The following RANBP2 variants were observed in gnomAD, a reference collection of about 807,000 sequenced individuals.
RANBP2 encodes the protein E3 SUMO-protein ligase RanBP2.
In RANBP2, 57 loss-of-function variants were observed where a neutral mutation model predicts 303.6. That is an observed-to-expected ratio of 0.19 (90% CI 0.15 to 0.23). RANBP2 has a LOEUF of 0.23. Among genes scored for constraint, RANBP2 ranks in the 10% least tolerant of loss-of-function variants. The probability of loss-of-function intolerance (pLI) is 1.00; values close to 1 mark genes in which losing one functional copy is unlikely to be tolerated. For synonymous variants in RANBP2, 1,167 were observed against 1,301.5 expected (o/e 0.90, Z 2.23); for missense variants, 3,138 against 3,780.8 (o/e 0.83, Z 4.46).
chr2:109,492,035 A>T, the RANBP2 span, among the ~76,000 whole-genome samples: 1 of 152,030 alleles, frequency 6.6e-6, no homozygotes, highest in Admixed American at 6.5e-5. Flanking sequence ...CAAGGGCCAG[A>T]TGGTAAACAC....
the RANBP2 span, among the ~76,000 whole-genome samples, chr2:109,648,590 G>T: frequency 6.6e-6 from 1 of 151,174 alleles, no homozygotes; most frequent in South Asian, 2.1e-4. Flanking sequence ...TGATCCACCC[G>T]CCTTGGCCTC....
At chr2:108,881,875 G>A in the RANBP2 span, among the ~76,000 whole-genome samples, 1 of 152,148 alleles carries the variant, frequency 6.6e-6, no homozygotes, top group African/African-American at 2.4e-5. Flanking sequence ...CAGGCACGAT[G>A]GCTCACTCTT....
chr2:109,269,395 C>A, the RANBP2 span, among the ~76,000 whole-genome samples: 2 of 152,234 alleles, frequency 1.3e-5, no homozygotes, highest in African/African-American at 4.8e-5. Flanking sequence ...ACTGGTGCTT[C>A]TCCATGGCTC....
the RANBP2 span, among the ~76,000 whole-genome samples, chr2:109,744,857 T>G: frequency 0.053 from 1,044 of 19,560 alleles, 88 homozygotes; most frequent in African/African-American, 0.1. Flanking sequence ...TTGGAAGACT[T>G]TGGCTGTTTC....
chr2:108,807,909 C>T, the RANBP2 span, among the ~76,000 whole-genome samples: 4 of 152,242 alleles, frequency 2.6e-5, no homozygotes, highest in South Asian at 8.3e-4. Flanking sequence ...GTACCCAGCC[C>T]CTCCTATCCA....
the RANBP2 span, among the ~76,000 whole-genome samples, chr2:109,412,394 C>A: frequency 6.6e-6 from 1 of 152,370 alleles, no homozygotes; most frequent in Non-Finnish European, 1.5e-5. Flanking sequence ...CTGTGCTTTG[C>A]TTGTGCTATG....
the RANBP2 span, among the ~76,000 whole-genome samples, chr2:108,837,546 A>G: frequency 6.6e-6 from 1 of 152,190 alleles, no homozygotes; most frequent in Non-Finnish European, 1.5e-5. Context: ...GGAGCTGAAA[A>G]TTTCCTGTCA....
the RANBP2 span, among the ~76,000 whole-genome samples, chr2:109,534,945 G>A: frequency 6.6e-5 from 10 of 152,154 alleles, no homozygotes; most frequent in African/African-American, 1.7e-4. Context: ...CACTGCTTGT[G>A]AGTGCAGGAC....
chr2:109,737,742 T>C, the RANBP2 span, among the ~76,000 whole-genome samples: 2 of 152,106 alleles, frequency 1.3e-5, no homozygotes, highest in African/African-American at 4.8e-5. Flanking sequence ...GTATTTGTTA[T>C]TTTTTTGTGT....
At chr2:109,145,772 C>T in the RANBP2 span, among the ~76,000 whole-genome samples, 1 of 152,172 alleles carries the variant, frequency 6.6e-6, no homozygotes, top group Non-Finnish European at 1.5e-5. Context: ...AACCCAGGAG[C>T]AGTATTGGTT....
chr2:109,057,763 C>T, the RANBP2 span, among the ~76,000 whole-genome samples: 10 of 152,164 alleles, frequency 6.6e-5, no homozygotes, highest in Non-Finnish European at 8.8e-5. Flanking sequence ...CCTCTTCCTT[C>T]GCCCCGCCCC....
the RANBP2 span, among the ~76,000 whole-genome samples, chr2:109,636,243 G>A: frequency 9.2e-5 from 14 of 152,122 alleles, no homozygotes; most frequent in Admixed American, 3.3e-4. Context: ...AATAGACTAG[G>A]ACATTAATAA....
At chr2:109,428,096 GT>G in the RANBP2 span, among the ~76,000 whole-genome samples, 1 of 152,228 alleles carries the variant, frequency 6.6e-6, no homozygotes, top group African/African-American at 2.4e-5. Context: ...TGCAGAGTGG[GT>G]GCTGCACCTA....
At chr2:109,662,599 T>G in the RANBP2 span, among the ~76,000 whole-genome samples, 1 of 152,180 alleles carries the variant, frequency 6.6e-6, no homozygotes, top group African/African-American at 2.4e-5. Flanking sequence ...CTTGTATTTT[T>G]AGGGTTTCAT....
the RANBP2 span, among the ~76,000 whole-genome samples, chr2:109,464,480 A>G: frequency 2.6e-5 from 4 of 152,230 alleles, no homozygotes; most frequent in Admixed American, 6.5e-5. Flanking sequence ...AAACATCTGT[A>G]CACATATACA....
intron 9 of RANBP2, among the ~76,000 whole-genome samples, chr2:108,750,116 A>G (rs1272219818): frequency 1.3e-5 from 2 of 152,268 alleles, no homozygotes; most frequent in Non-Finnish European, 2.9e-5. Context: ...GCTGCACGAC[A>G]GCCTGGGCGA....
At chr2:108,721,849 C>G (rs1157548265) in intron 1 of RANBP2, among the ~76,000 whole-genome samples, 1 of 152,106 alleles carries the variant, frequency 6.6e-6, no homozygotes, top group Non-Finnish European at 1.5e-5. Context: ...TCAATCCATC[C>G]TCCCACCTTA....
At chr2:108,984,964 G>A in the RANBP2 span, among the ~76,000 whole-genome samples, 1 of 152,320 alleles carries the variant, frequency 6.6e-6, no homozygotes, top group East Asian at 1.9e-4. Flanking sequence ...GCAAATGGAA[G>A]TTTTAAGAGA....
the RANBP2 span, among the ~76,000 whole-genome samples, chr2:109,179,003 A>AGTGTG: frequency 1.6e-4 from 23 of 142,066 alleles, no homozygotes; most frequent in African/African-American, 5.4e-4. Flanking sequence ...AAGTATAATA[A>AGTGTG]TGTGTGTGTG....
Sources: gnomAD v4.1 joint callset for allele counts (sites outside exome capture counted in the v4.1 genomes callset) on GRCh38, gnomAD v4.1.1 for gene constraint, MANE v1.5 for transcripts, NCBI Gene and HGNC (gene_info 2026-07-23, HGNC 2026-07-21) for gene names.